Variants in CSMD1 observed in about 807,000 individuals in gnomAD.
CSMD1 encodes CUB and sushi domain-containing protein 1.
Under a neutral mutation model 417.5 loss-of-function variants are expected in CSMD1, and 213 were observed. That is an observed-to-expected ratio of 0.51 (90% confidence interval 0.46 to 0.57). The LOEUF (loss-of-function observed/expected upper bound fraction) is 0.57, where lower values mean the gene tolerates loss of function less well. Ranked by LOEUF, CSMD1 falls within the 20% of genes least tolerant of loss-of-function variation. The pLI, the probability that CSMD1 is intolerant of heterozygous loss-of-function variation, is 0.00. For synonymous variants in CSMD1, 2,862 were observed against 1,736.8 expected (o/e 1.65, Z -16.11); for missense variants, 6,923 against 4,529.7 (o/e 1.53, Z -15.17).
intron 46 of CSMD1, among the ~76,000 whole-genome samples, chr8:3,104,449 C>T (rs1036568126): frequency 1.3e-5 from 2 of 152,062 alleles, no homozygotes; most frequent in African/African-American, 2.4e-5. Context: ...TTTAAACAGA[C>T]GAGCAGGCCA....
intron 26 of CSMD1, among the ~76,000 whole-genome samples, chr8:3,265,378 T>G (rs573992498): frequency 6.6e-6 from 1 of 152,182 alleles, no homozygotes; most frequent in African/African-American, 2.4e-5. Flanking sequence ...ATAAAGATAA[T>G]TTCTATGAAT....
intron 3 of CSMD1, among the ~76,000 whole-genome samples, chr8:4,035,058 C>T (rs574567398): frequency 6.6e-6 from 1 of 152,066 alleles, no homozygotes; most frequent in Non-Finnish European, 1.5e-5. Context: ...AAATGATTAT[C>T]GTGCAGAAAG....
chr8:2,993,806 G>A (rs184170433), intron 54 of CSMD1, among the ~76,000 whole-genome samples: 37 of 151,950 alleles, frequency 2.4e-4, no homozygotes, highest in Non-Finnish European at 2.5e-4. Context: ...ATCTGGCCTG[G>A]AGTTACTCCC....
chr8:4,283,156 A>G (rs1796882392), intron 3 of CSMD1, among the ~76,000 whole-genome samples: 1 of 152,200 alleles, frequency 6.6e-6, no homozygotes, highest in Admixed American at 6.5e-5. Flanking sequence ...TGGTTTTGTG[A>G]AGGTACGTTG....
chr8:3,684,331 ATATAT>A (rs1799828644), intron 7 of CSMD1, among the ~76,000 whole-genome samples: 1 of 146,076 alleles, frequency 6.8e-6, no homozygotes, highest in Non-Finnish European at 1.5e-5. Context: ...GCTATATGTT[ATATAT>A]TATATAAAAC....
chr8:3,459,415 C>G (rs1018508417), intron 12 of CSMD1, among the ~76,000 whole-genome samples: 1 of 152,182 alleles, frequency 6.6e-6, no homozygotes, highest in Non-Finnish European at 1.5e-5. Flanking sequence ...AATGCAGCAC[C>G]AGTGCCACAG....
At chr8:3,839,395 T>C (rs1802950130) in intron 5 of CSMD1, among the ~76,000 whole-genome samples, 1 of 117,266 alleles carries the variant, frequency 8.5e-6, no homozygotes, top group South Asian at 2.4e-4. Flanking sequence ...TCTCCATATA[T>C]ATTTATATAT....
At chr8:4,276,409 G>A (rs1397380619) in intron 3 of CSMD1, among the ~76,000 whole-genome samples, 3 of 152,100 alleles carry the variant, frequency 2.0e-5, no homozygotes, top group Non-Finnish European at 4.4e-5. Context: ...TCACTCATAA[G>A]TGGGAGTTGA....
chr8:3,900,303 C>A (rs1408229316), intron 5 of CSMD1, among the ~76,000 whole-genome samples: 3 of 151,426 alleles, frequency 2.0e-5, no homozygotes, highest in African/African-American at 7.3e-5. Context: ...GACACTGTAG[C>A]TGGGTGACAG....
At chr8:3,046,682 G>A (rs562323525) in intron 50 of CSMD1, among the ~76,000 whole-genome samples, 185 of 152,200 alleles carry the variant, frequency 1.2e-3, no homozygotes, top group Non-Finnish European at 1.9e-3. Flanking sequence ...CCAAAGCACC[G>A]GTGTCTAATC....
chr8:4,113,015 G>A (rs1475728672), intron 3 of CSMD1, among the ~76,000 whole-genome samples: 2 of 152,098 alleles, frequency 1.3e-5, no homozygotes, highest in Admixed American at 6.6e-5. Flanking sequence ...GTAATCAGTG[G>A]TCAATGATCC....
In CSMD1 at chr8:4,848,474, G is replaced by T. The variant is rs947961319; in HGVS notation, c.85+145858C>A. 3.3e-5 allele frequency among the ~76,000 whole-genome samples: 5 copies of T among 152,138 alleles called. No individual in the cohort carries two copies. In the South Asian group the frequency reaches 1.0e-3, roughly 32 times the overall value. ...CTCATGGGTTTGTTGTGATGTTGGT[G>T]CAAACAAATCTATCGTGCTGCCAGT... On this transcript the variant is annotated intron_variant, in intron 1 of 69. Coordinates refer to ENST00000635120, the MANE Select transcript of CSMD1 (RefSeq NM_033225.6).
chr8:4,911,583 G>A (rs570174892), intron 1 of CSMD1, among the ~76,000 whole-genome samples: 1 of 152,144 alleles, frequency 6.6e-6, no homozygotes, highest in African/African-American at 2.4e-5. Flanking sequence ...TGCATCCAGG[G>A]ATCTCAGAGC....
chr8:4,195,581 C>T (rs774341427), intron 3 of CSMD1, among the ~76,000 whole-genome samples: 1 of 152,082 alleles, frequency 6.6e-6, no homozygotes, highest in African/African-American at 2.4e-5. Context: ...TAGAGGTGAG[C>T]GTTGTCACTG....
chr8:3,829,592 T>C (rs1052581920), intron 5 of CSMD1, among the ~76,000 whole-genome samples: 1 of 152,172 alleles, frequency 6.6e-6, no homozygotes, highest in African/African-American at 2.4e-5. Flanking sequence ...CTTAGAATAA[T>C]GATGGGCCCC....
intron 3 of CSMD1, among the ~76,000 whole-genome samples, chr8:4,369,433 G>A (rs773449629): frequency 3.9e-5 from 6 of 152,162 alleles, no homozygotes; most frequent in Non-Finnish European, 5.9e-5. Flanking sequence ...GTTGGGTGGA[G>A]TGTTTTATAG....
intron 3 of CSMD1, among the ~76,000 whole-genome samples, chr8:4,415,807 G>A (rs1375003582): frequency 6.6e-6 from 1 of 152,146 alleles, no homozygotes; most frequent in Admixed American, 6.5e-5. Flanking sequence ...TTACATGTAT[G>A]TGCATTTTTG....
At chr8:3,713,159 A>T (rs1242648800) in intron 6 of CSMD1, among the ~76,000 whole-genome samples, 3 of 152,322 alleles carry the variant, frequency 2.0e-5, no homozygotes, top group Non-Finnish European at 4.4e-5. Context: ...GAAAAATCAA[A>T]AACCACCACA....
At chr8:4,367,005 C>A (rs551131342) in intron 3 of CSMD1, among the ~76,000 whole-genome samples, 2 of 152,086 alleles carry the variant, frequency 1.3e-5, no homozygotes, top group African/African-American at 2.4e-5. Context: ...TGTCTGCTTA[C>A]TCTGTTGATA....
Sources: allele counts gnomAD v4.1 joint callset (sites outside exome capture counted in the v4.1 genomes callset), GRCh38; gene constraint gnomAD v4.1.1; transcripts MANE v1.5; gene names NCBI Gene and HGNC (gene_info 2026-07-23, HGNC 2026-07-21).